ASAH1: variants seen among roughly 807,000 people sequenced by gnomAD.
ASAH1 encodes acid ceramidase.
Under a neutral mutation model 59.5 loss-of-function variants are expected in ASAH1, and 70 were observed. The ratio of observed to expected loss-of-function variants is 1.18; its 90% CI spans 0.97 to 1.43. The LOEUF (loss-of-function observed/expected upper bound fraction) is 1.43. Among genes scored for constraint, ASAH1 ranks in the 40% most tolerant of loss-of-function variants. The pLI is 0.00. For missense variants in ASAH1, 660 were observed against 482.5 expected, an observed-to-expected ratio of 1.37 and a Z score of -3.45; for synonymous variants, 213 against 166.5, an observed-to-expected ratio of 1.28 and a Z score of -2.15.
intron 5 of ASAH1, 146 bp from the exon 6 acceptor site, chr8:18,064,677 T>C: frequency 1.6e-6 from 1 of 626,018 alleles, no homozygotes; most frequent in East Asian, 2.7e-5. Context: ...CTGGAGGTGG[T>C]TTTCTTCCCC....
chr8:18,062,081 A>G (rs1330499756), intron 8 of ASAH1, 198 bp downstream of exon 8: 2 of 705,216 alleles, frequency 2.8e-6, no homozygotes, highest in Non-Finnish European at 4.7e-6. Context: ...TTATCCCAGA[A>G]GAGGCTCAGA....
intron 1 of ASAH1, chr8:18,076,036 C>G: frequency 4.4e-6 from 1 of 227,134 alleles, no homozygotes; most frequent in Non-Finnish European, 8.9e-6. Context: ...CATCATCTTT[C>G]CATGGTAACT....
chr8:18,065,195 TATA>T (rs1463030040), intron 5 of ASAH1: 3 of 151,218 alleles, frequency 2.0e-5, no homozygotes, highest in Non-Finnish European at 3.0e-5. Flanking sequence ...ATTATACATT[TATA>T]ATAATTTATA....
chr8:18,059,155 G>C (rs1222760187), intron 12 of ASAH1, 186 bp downstream of exon 12: 1 of 896,748 alleles, frequency 1.1e-6, no homozygotes, highest in African/African-American at 1.7e-5. Flanking sequence ...AACCAGAAAA[G>C]GAAAGTACAG....
At chr8:18,058,208 G>C (rs1422534795) in intron 13 of ASAH1, 1 of 153,676 alleles carries the variant, frequency 6.5e-6, no homozygotes, top group East Asian at 1.9e-4. Flanking sequence ...CAGGCTTCCT[G>C]TGAGAGCCAG....
At chr8:18,072,229 C>T (rs1800203611) in intron 2 of ASAH1, among the ~76,000 whole-genome samples, 1 of 152,182 alleles carries the variant, frequency 6.6e-6, no homozygotes, top group Non-Finnish European at 1.5e-5. Context: ...TAAAAATAAC[C>T]ATCATCTGTT....
upstream of ASAH1, chr8:18,084,569 T>G: frequency 1.3e-6 from 2 of 1,545,278 alleles, no homozygotes; most frequent in Non-Finnish European, 1.8e-6. Context: ...CGAAATGAGT[T>G]GAGTTATTCA....
In ASAH1 at chr8:18,059,692, G is replaced by T. The variant is rs1229494347; in HGVS notation, c.797C>A (p.Ala266Asp). Residue 266 changes from alanine (A) to aspartate (D), a missense_variant, in exon 11 of 14, where the codon GCC becomes GAC. Physicochemically the swap from Ala to Asp is moderately radical, Grantham distance 126. Coordinates refer to ENST00000637790, the MANE Select transcript of ASAH1 (RefSeq NM_177924.5). Reference protein sequence around the residue: ...VLENSTSYEEAKNLLTKTKIL... With the variant: ...VLENSTSYEEDKNLLTKTKIL... Reference sequence around the variant, plus strand: ...CTTGGTCTTGGTCAATAAATTCTTGGCTTCTTCATAACTATATAGAAACAT... The same window carrying T: ...CTTGGTCTTGGTCAATAAATTCTTGTCTTCTTCATAACTATATAGAAACAT... The T allele has an allele frequency of 6.2e-7, 1 of 1,613,918 alleles. No individual in the cohort carries two copies. Among genetic ancestry groups the T allele is most frequent in the Non-Finnish European group, 8.5e-7 (1 of 1,179,914 alleles).
chr8:18,063,320 T>C lies in ASAH1; in HGVS notation c.458-90A>G, dbSNP rs192858557. 5.3e-4 allele frequency: 667 copies of C among 1,261,388 alleles called. 2 individuals are homozygous for C. The African/African-American group carries it at 8.6e-3, about 16-fold the overall frequency. The allele number at this position is 1,261,388 out of a possible 1,614,324, so 78.1% of individuals were successfully genotyped here. ...TTAATTTTGATTAATTAATTTATTT[T>C]TGAGACAGAGTCTCGTTCTGTTGGC... On this transcript the variant is annotated intron_variant, in intron 6 of 13. Coordinates refer to ENST00000637790, the MANE Select transcript of ASAH1 (RefSeq NM_177924.5).
chr8:18,084,131 C>A, upstream of ASAH1: 1 of 1,580,056 alleles, frequency 6.3e-7, no homozygotes, highest in African/African-American at 1.3e-5. Flanking sequence ...GGGGGCAGGC[C>A]ACGCCCCCTC....
Position 18,079,095 on chromosome 8 carries a change from G to T in ASAH1, c.79-3508C>A, listed in dbSNP as rs566251348. ...ACTTCAAGACCAGCCTGGCCAACATGGCGAAATCCCCGTTACTACTAACAA... is the reference window on the plus strand; with the variant it reads ...ACTTCAAGACCAGCCTGGCCAACATTGCGAAATCCCCGTTACTACTAACAA... On this transcript the variant is annotated intron_variant, in intron 1 of 13. Coordinates refer to ENST00000637790, the MANE Select transcript of ASAH1 (RefSeq NM_177924.5). Among the ~76,000 whole-genome samples, 4 of 151,390 alleles carry T rather than the reference G, an allele frequency of 2.6e-5. No homozygotes were observed. The East Asian group carries it at 7.8e-4, about 29-fold the overall frequency.
At chr8:18,084,741 T>A, upstream of ASAH1, 2 of 1,613,754 alleles carry the variant, frequency 1.2e-6, no homozygotes, top group Non-Finnish European at 8.5e-7. Context: ...GCGCTGAGAC[T>A]TGGGTAGGAG....
In ASAH1 at chr8:18,077,390, G is replaced by C. The variant is rs1800449416; in HGVS notation, c.79-1803C>G. On this transcript the variant is annotated intron_variant, in intron 1 of 13. Coordinates refer to ENST00000637790, the MANE Select transcript of ASAH1 (RefSeq NM_177924.5). ...ATTTTTACTACTGTCAATTTTTATA[G>C]ATCTTAGCAGATTCCATTCCAGGTT... Among the ~76,000 whole-genome samples, 5 of 152,094 alleles carry C rather than the reference G, an allele frequency of 3.3e-5. No individual in the cohort carries two copies. The South Asian group carries it at 1.0e-3, about 31-fold the overall frequency.
intron 1 of ASAH1, among the ~76,000 whole-genome samples, chr8:18,080,760 G>A (rs1178824690): frequency 6.6e-6 from 1 of 152,138 alleles, no homozygotes; most frequent in African/African-American, 2.4e-5. Context: ...GTTTCTCCAT[G>A]TTGGCCAGGC....
intron 1 of ASAH1, among the ~76,000 whole-genome samples, chr8:18,078,372 A>T (rs974750795): frequency 3.9e-5 from 6 of 152,230 alleles, no homozygotes; most frequent in African/African-American, 9.6e-5. Flanking sequence ...TCTGAGGTTG[A>T]TAACGACTCT....
intron 5 of ASAH1, 48 bp downstream of exon 5, chr8:18,067,172 A>G (rs1227705212): frequency 1.9e-6 from 3 of 1,552,710 alleles, no homozygotes; most frequent in South Asian, 1.2e-5. Context: ...GGAAACTTGT[A>G]AAAGAATTTA....
At chr8:18,067,143 A>ATATCTAAGACATACAGCACCTGAGC in intron 5 of ASAH1, 77 bp downstream of exon 5, 1 of 1,321,250 alleles carries the variant, frequency 7.6e-7, no homozygotes, top group Non-Finnish European at 1.1e-6. Flanking sequence ...CCTGTGCTGT[A>ATATCTAAGACATACAGCACCTGAGC]TGTATATCAC....
At chr8:18,069,709 A>C (rs1800077565) in intron 4 of ASAH1, 83 bp downstream of exon 4, 1 of 976,942 alleles carries the variant, frequency 1.0e-6, no homozygotes, top group African/African-American at 1.6e-5. Flanking sequence ...CCCTGCGAAG[A>C]GGTTGCTGAA....
intron 1 of ASAH1, among the ~76,000 whole-genome samples, chr8:18,080,702 C>T (rs564984030): frequency 6.6e-6 from 1 of 152,240 alleles, no homozygotes; most frequent in African/African-American, 2.4e-5. Context: ...GGACTACAGG[C>T]GTGAGCCACT....
Sources: gnomAD v4.1 joint callset for allele counts (sites outside exome capture counted in the v4.1 genomes callset) on GRCh38, gnomAD v4.1.1 for gene constraint, MANE v1.5 for transcripts, NCBI Gene and HGNC (gene_info 2026-07-23, HGNC 2026-07-21) for gene names.